Variants in MAD1L1 observed in about 807,000 individuals in gnomAD.
The protein encoded by MAD1L1 is mitotic spindle assembly checkpoint protein MAD1.
MAD1L1 carries 95 observed loss-of-function variants against 96.9 expected under a neutral mutation model. The ratio of observed to expected loss-of-function variants is 0.98; its 90% CI spans 0.83 to 1.16. The LOEUF is 1.16. Among genes scored for constraint, MAD1L1 ranks in the 50% most tolerant of loss-of-function variants. MAD1L1 has a pLI of 0.00. For synonymous variants in MAD1L1, 473 were observed against 396.6 expected (o/e 1.19, Z -2.29); for missense variants, 1,007 against 954.4 (o/e 1.06, Z -0.73).
At chr7:1,874,305 G>C (rs375888665) in intron 18 of MAD1L1, among the ~76,000 whole-genome samples, 4 of 152,152 alleles carry the variant, frequency 2.6e-5, no homozygotes, top group African/African-American at 9.7e-5. Flanking sequence ...GGCCAGGCTG[G>C]GCCACAGTGC....
intron 12 of MAD1L1, among the ~76,000 whole-genome samples, chr7:2,054,384 G>A (rs946495249): frequency 6.6e-6 from 1 of 152,182 alleles, no homozygotes; most frequent in African/African-American, 2.4e-5. Context: ...CTTCACACTG[G>A]AGACGGGTAA....
In MAD1L1 at chr7:1,835,842, C is replaced by T. The variant is rs573079056; in HGVS notation, c.1999-19614G>A. On this transcript the variant is annotated intron_variant, in intron 18 of 18. Transcript: ENST00000265854. ...AGGGGTGGATTATTCATGAGTTTTC[C>T]GGGAAAGGGGTAGGCAATTCCCAGA... Among the ~76,000 whole-genome samples the T allele has an allele frequency of 4.0e-4, 61 of 152,264 alleles. No individual in the cohort carries two copies. In the Middle Eastern group the frequency reaches 0.014, roughly 34 times the overall value.
In MAD1L1 at chr7:2,142,142, G is replaced by T. The variant is rs1584416422; in HGVS notation, c.1073+7010C>A. Among the ~76,000 whole-genome samples the T allele has an allele frequency of 6.6e-6, 1 of 152,204 alleles. No individual in the cohort carries two copies. The highest frequency in any genetic ancestry group is 1.5e-5 in the Non-Finnish European group (1 of 68,034). On this transcript the variant is annotated intron_variant, in intron 11 of 18. Transcript: ENST00000265854. The surrounding 1 kb of genome is among the most constrained non-coding windows in gnomAD (Gnocchi z 4.7). ...TTTCCCCAAAAACCCGCTCACTGGG[G>T]CTATCCTACAGACAGACAACTGACT...
chr7:1,904,799 A>G (rs1320618140), intron 17 of MAD1L1, among the ~76,000 whole-genome samples: 2 of 121,326 alleles, frequency 1.6e-5, no homozygotes, highest in Non-Finnish European at 3.2e-5. Context: ...TGCGGAACTC[A>G]TGATTGATCA....
intron 14 of MAD1L1, among the ~76,000 whole-genome samples, chr7:1,994,350 G>T (rs1781467028): frequency 6.6e-6 from 1 of 152,198 alleles, no homozygotes; most frequent in African/African-American, 2.4e-5. Flanking sequence ...ATTCCCAGGG[G>T]GCCTGAGGCT....
chr7:2,188,969 C>A (rs1475493293), intron 10 of MAD1L1, among the ~76,000 whole-genome samples: 4 of 152,120 alleles, frequency 2.6e-5, no homozygotes, highest in Non-Finnish European at 4.4e-5. Context: ...TACAAGGGAA[C>A]TCCTAAAACA....
intron 18 of MAD1L1, among the ~76,000 whole-genome samples, chr7:1,870,357 G>A (rs1279486522): frequency 5.0e-5 from 7 of 140,766 alleles, no homozygotes; most frequent in Middle Eastern, 3.8e-3. Flanking sequence ...CACCTGCCAT[G>A]CTGAACCCAA....
chr7:1,889,916 G>T (rs1428544533), intron 18 of MAD1L1, among the ~76,000 whole-genome samples: 1 of 152,234 alleles, frequency 6.6e-6, no homozygotes, highest in African/African-American at 2.4e-5. Context: ...CTCGTCAGGG[G>T]CCACAGCAAC....
At chr7:1,867,231 C>T (rs1343852058) in intron 18 of MAD1L1, among the ~76,000 whole-genome samples, 3 of 152,214 alleles carry the variant, frequency 2.0e-5, no homozygotes, top group African/African-American at 7.2e-5. Flanking sequence ...CAGGGACACA[C>T]ATGAAGCTCA....
chr7:1,851,609 C>A (rs1222812461), intron 18 of MAD1L1, among the ~76,000 whole-genome samples: 1 of 152,122 alleles, frequency 6.6e-6, no homozygotes, highest in East Asian at 1.9e-4. Flanking sequence ...CCAAAACGGT[C>A]CCAAGAAGAA....
At chr7:1,882,412 T>C (rs1015875645) in intron 18 of MAD1L1, among the ~76,000 whole-genome samples, 4 of 152,140 alleles carry the variant, frequency 2.6e-5, no homozygotes, top group Non-Finnish European at 5.9e-5. Context: ...ACCTCATTGC[T>C]CCAGCGGGAG....
chr7:2,069,344 T>A lies in MAD1L1; in HGVS notation c.1074-6A>T, dbSNP rs1333880290. On this transcript the variant is annotated splice_polypyrimidine_tract_variant and splice_region_variant and intron_variant, in intron 11 of 18. Transcript: ENST00000265854. ...CCTTCTCCAGCCCCCGGGCGCTGCA[T>A]GGGAGAGACAAGAGGGCAAAGCAAT... is the stretch of plus-strand genomic sequence containing the variant. 1 of 1,585,444 alleles carries A rather than the reference T, an allele frequency of 6.3e-7. No individual in the cohort carries two copies. Among genetic ancestry groups the A allele is most frequent in the African/African-American group, 1.3e-5 (1 of 74,148 alleles).
At chr7:2,094,829 T>C (rs1562681358) in intron 11 of MAD1L1, among the ~76,000 whole-genome samples, 1 of 152,018 alleles carries the variant, frequency 6.6e-6, no homozygotes, top group African/African-American at 2.4e-5. Context: ...CCCAGGGCGA[T>C]GGGAACTGGG....
At chr7:2,004,339 G>A (rs1424112259) in intron 13 of MAD1L1, among the ~76,000 whole-genome samples, 6 of 152,194 alleles carry the variant, frequency 3.9e-5, no homozygotes, top group African/African-American at 1.2e-4. Flanking sequence ...GTCCATGTCC[G>A]CCACACCCGG....
intron 12 of MAD1L1, among the ~76,000 whole-genome samples, chr7:2,032,111 C>T (rs1025774085): frequency 6.6e-6 from 1 of 152,236 alleles, no homozygotes. Context: ...AAGGAGTTTC[C>T]ATGCATCAGC....
intron 12 of MAD1L1, among the ~76,000 whole-genome samples, chr7:2,046,243 T>A (rs1036985654): frequency 6.6e-6 from 1 of 152,198 alleles, no homozygotes; most frequent in African/African-American, 2.4e-5. Context: ...AGGCACCCTA[T>A]GTCCCTGTCC....
At chr7:1,959,956 ATAGAT>A (rs1245011808) in intron 15 of MAD1L1, among the ~76,000 whole-genome samples, 2 of 152,254 alleles carry the variant, frequency 1.3e-5, no homozygotes, top group African/African-American at 2.4e-5. Flanking sequence ...AAAGTGATTA[ATAGAT>A]TAAACAAAAC....
intron 12 of MAD1L1, among the ~76,000 whole-genome samples, chr7:2,027,479 G>A (rs764345753): frequency 6.6e-6 from 1 of 152,106 alleles, no homozygotes; most frequent in Non-Finnish European, 1.5e-5. Flanking sequence ...ACCAAATAAA[G>A]CATTACACAC....
At chr7:1,948,474 C>T (rs563210238) in intron 16 of MAD1L1, among the ~76,000 whole-genome samples, 5 of 152,334 alleles carry the variant, frequency 3.3e-5, no homozygotes, top group East Asian at 1.9e-4. Flanking sequence ...CCAGTGGAGC[C>T]GGGACACTGG....
Sources: gnomAD v4.1 joint callset for allele counts (sites outside exome capture counted in the v4.1 genomes callset) on GRCh38, gnomAD v4.1.1 for gene constraint, Gnocchi (gnomAD v3.1) non-coding constraint, MANE v1.5 for transcripts, NCBI Gene and HGNC (gene_info 2026-07-23, HGNC 2026-07-21) for gene names.